ZNF608: variants seen among roughly 807,000 people sequenced by gnomAD.
The protein encoded by ZNF608 is renal carcinoma antigen NY-REN-36.
In ZNF608, 12 loss-of-function variants were observed where a neutral mutation model predicts 109.0. The ratio of observed to expected loss-of-function variants is 0.11; its 90% CI spans 0.07 to 0.18. The LOEUF is 0.18. Among genes scored for constraint, ZNF608 ranks in the 10% least tolerant of loss-of-function variants. ZNF608 has a pLI of 1.00. For synonymous variants in ZNF608, 732 were observed against 717.4 expected (o/e 1.02, Z -0.33); for missense variants, 1,707 against 1,879.3 (o/e 0.91, Z 1.70).
chr5:124,697,710 G>C (rs1580647549), intron 3 of ZNF608, among the ~76,000 whole-genome samples: 1 of 152,130 alleles, frequency 6.6e-6, no homozygotes, highest in African/African-American at 2.4e-5. Context: ...GGGAAAGACT[G>C]ACTAAAAGAA....
rs267600332 is a variant in ZNF608 at position 124,644,507 on chromosome 5, G to A, written c.3860C>T (p.Ser1287Leu). ...KESGVPSLPVSLTSIKEEPKE... is the reference protein window; with the variant it reads ...KESGVPSLPVLLTSIKEEPKE... Reference sequence around the variant, plus strand: ...GGGCTCCTCTTTAATGCTTGTTAACGATACAGGAAGGCTGGGCACACCACT... The same window carrying A: ...GGGCTCCTCTTTAATGCTTGTTAACAATACAGGAAGGCTGGGCACACCACT... Residue 1287 changes from serine (S) to leucine (L), a missense_variant, in exon 6 of 10, where the codon TCG becomes TTG. By Grantham distance (145) the Ser-to-Leu change is moderately radical. This residue lies in a region of ZNF608 where 1,073 missense variants were observed against 1,133.5 expected (regional missense o/e 0.95). Transcript: ENST00000513986. 7 of 1,614,036 alleles carry A rather than the reference G, an allele frequency of 4.3e-6. No homozygotes were observed. The highest frequency in any genetic ancestry group is 2.2e-5 in the South Asian group (2 of 91,070).
At chr5:124,700,238 T>C (rs1752997955) in intron 3 of ZNF608, among the ~76,000 whole-genome samples, 1 of 152,224 alleles carries the variant, frequency 6.6e-6, no homozygotes, top group African/African-American at 2.4e-5. Flanking sequence ...TTGGTTGGCT[T>C]GTTAGTGACA....
intron 3 of ZNF608, among the ~76,000 whole-genome samples, chr5:124,697,980 A>C (rs1752916264): frequency 6.6e-6 from 1 of 152,160 alleles, no homozygotes; most frequent in Non-Finnish European, 1.5e-5. Flanking sequence ...CTCTCTCTCC[A>C]AGTGAAAATA....
chr5:124,668,389 C>T (rs747791349), intron 3 of ZNF608, among the ~76,000 whole-genome samples: 79 of 150,540 alleles, frequency 5.2e-4, no homozygotes, highest in Non-Finnish European at 1.1e-3. Flanking sequence ...AAACAAAACA[C>T]CACACAGAAA....
At chr5:124,716,142 C>CAAA (rs1232356378) in intron 2 of ZNF608, among the ~76,000 whole-genome samples, 39 of 73,882 alleles carry the variant, frequency 5.3e-4, no homozygotes, top group East Asian at 8.5e-4. Context: ...GAATCCGTCT[C>CAAA]AAAAAAAAAA....
At chr5:124,697,004 G>A (rs1363095948) in intron 3 of ZNF608, among the ~76,000 whole-genome samples, 1 of 152,048 alleles carries the variant, frequency 6.6e-6, no homozygotes, top group Non-Finnish European at 1.5e-5. Flanking sequence ...CTGGGCATTA[G>A]TGGGTTTTAA....
chr5:124,697,362 G>A (rs1752892140), intron 3 of ZNF608, among the ~76,000 whole-genome samples: 1 of 151,660 alleles, frequency 6.6e-6, no homozygotes, highest in African/African-American at 2.4e-5. Context: ...TTTCTGGTTT[G>A]TTTTGTTATT....
intron 3 of ZNF608, among the ~76,000 whole-genome samples, chr5:124,699,225 A>C (rs530640575): frequency 6.6e-6 from 1 of 152,278 alleles, no homozygotes; most frequent in South Asian, 2.1e-4. Flanking sequence ...CTTATCCACC[A>C]TTTCCCTTAG....
At chr5:124,697,096 T>C (rs562190130) in intron 3 of ZNF608, among the ~76,000 whole-genome samples, 3 of 152,172 alleles carry the variant, frequency 2.0e-5, no homozygotes, top group African/African-American at 7.2e-5. Flanking sequence ...CTTTCTTTTC[T>C]TCATGGCTTT....
At chr5:124,724,061 T>C (rs1223234067) in intron 2 of ZNF608, among the ~76,000 whole-genome samples, 3 of 152,302 alleles carry the variant, frequency 2.0e-5, no homozygotes, top group East Asian at 1.9e-4. Context: ...AGGCAATTCA[T>C]GTTCCACCAT....
intron 3 of ZNF608, among the ~76,000 whole-genome samples, chr5:124,682,983 C>T (rs1482294958): frequency 6.6e-6 from 1 of 151,684 alleles, no homozygotes; most frequent in Non-Finnish European, 1.5e-5. Flanking sequence ...TTAAGTTATT[C>T]CAAGACTATG....
chr5:124,681,191 G>T (rs997823605), intron 3 of ZNF608, among the ~76,000 whole-genome samples: 9 of 152,180 alleles, frequency 5.9e-5, no homozygotes. Flanking sequence ...GGTGGCTCAC[G>T]CCTGTAATCC....
chr5:124,651,874 G>C (rs554287606), intron 3 of ZNF608, among the ~76,000 whole-genome samples: 2 of 152,248 alleles, frequency 1.3e-5, no homozygotes, highest in South Asian at 2.1e-4. Context: ...GGCCGTGCGG[G>C]GCTAGAGGGC....
chr5:124,654,462 C>G (rs1474107514), intron 3 of ZNF608, among the ~76,000 whole-genome samples: 1 of 152,176 alleles, frequency 6.6e-6, no homozygotes, highest in Admixed American at 6.5e-5. Context: ...GAATTAGAAG[C>G]AAATGGAGAC....
chr5:124,649,761 C>T (rs1750698065), intron 3 of ZNF608, 64 bp from the exon 4 acceptor site: 2 of 1,069,550 alleles, frequency 1.9e-6, no homozygotes, highest in Non-Finnish European at 2.6e-6. Context: ...TTCCAGTTCA[C>T]TTATTATTTT....
intron 3 of ZNF608, among the ~76,000 whole-genome samples, chr5:124,699,727 G>C (rs1247818207): frequency 6.6e-6 from 1 of 152,158 alleles, no homozygotes; most frequent in East Asian, 1.9e-4. Context: ...AGCTTGAGCT[G>C]TTTTCTATCT....
chr5:124,638,627 G>A (rs898143533), intron 9 of ZNF608, among the ~76,000 whole-genome samples: 1 of 152,176 alleles, frequency 6.6e-6, no homozygotes, highest in Admixed American at 6.5e-5. Context: ...CCATTCAAAT[G>A]TGGAATTCAA....
intron 2 of ZNF608, among the ~76,000 whole-genome samples, chr5:124,732,309 G>A (rs55878335): frequency 0.049 from 7,522 of 152,112 alleles, 569 homozygotes; most frequent in African/African-American, 0.16. Context: ...AAGAGAGACA[G>A]TTTATACACA....
At position 124,700,393 on chromosome 5, in the gene ZNF608, A is replaced by T. The variant is rs1753003647; in HGVS notation, c.1162+621T>A. 2.0e-5 allele frequency among the ~76,000 whole-genome samples: 3 copies of T among 152,194 alleles called. No individual in the cohort carries two copies. In the South Asian group the frequency reaches 6.2e-4, roughly 31 times the overall value. ...ATTAATCCTGATCCATTTCCTTTGAACCTTGTTTCTCTTGTGGCTAATGGA... is the reference window on the plus strand; with the variant it reads ...ATTAATCCTGATCCATTTCCTTTGATCCTTGTTTCTCTTGTGGCTAATGGA... On this transcript the variant is annotated intron_variant, in intron 3 of 9. Transcript: ENST00000513986.
Sources: allele counts gnomAD v4.1 joint callset (sites outside exome capture counted in the v4.1 genomes callset), GRCh38; gene constraint gnomAD v4.1.1; regional missense constraint gnomAD v4.1.1; transcripts MANE v1.5; gene names NCBI Gene and HGNC (gene_info 2026-07-23, HGNC 2026-07-21).